Variants in HMCN2 observed in about 807,000 individuals in gnomAD.
The protein encoded by HMCN2 is hemicentin 2, also known as hemicentin-2.
HMCN2 carries 325 observed loss-of-function variants against 377.5 expected under a neutral mutation model. The ratio of observed to expected loss-of-function variants is 0.86; its 90% CI spans 0.79 to 0.94. HMCN2 has a LOEUF of 0.94. HMCN2 is among the 40% of genes least tolerant of loss of function. HMCN2 has a pLI of 0.00. For missense variants in HMCN2, 4,543 were observed against 4,725.3 expected (o/e 0.96, Z 1.13); for synonymous variants, 2,007 against 2,046.8 (o/e 0.98, Z 0.53).
At chr9:130,327,153 C>A (rs1268226323) in intron 21 of HMCN2, among the ~76,000 whole-genome samples, 157 bp from the exon 22 acceptor site, 1 of 152,038 alleles carries the variant, frequency 6.6e-6, no homozygotes. Context: ...ATCTGGACTC[C>A]CCCCCTTCTG....
chr9:130,269,125 G>A (rs939391756), intron 1 of HMCN2, among the ~76,000 whole-genome samples: 1 of 148,492 alleles, frequency 6.7e-6, no homozygotes, highest in South Asian at 2.2e-4. Flanking sequence ...GGGGCAAATC[G>A]TGGCGGTTCT....
In HMCN2 at chr9:130,398,691, C is replaced by T. The variant is rs990599466; in HGVS notation, c.11467C>T (p.Gln3823Ter). 4.4e-5 allele frequency: 57 copies of T among 1,289,520 alleles called. No individual in the cohort carries two copies. The highest frequency in any genetic ancestry group is 5.7e-5 in the Non-Finnish European group (56 of 988,640). The allele number at this position is 1,289,520 out of a possible 1,614,324, so 79.9% of individuals were successfully genotyped here. A position where few individuals can be genotyped will look rare whatever the true frequency, so the allele number is the denominator to read the frequency against. ...CGGACAGAAGCTGGACTTCCGCCTG[C>T]AGCAGGGCGCCTACCGGTAACGAGC... ...KDGQKLDFRL[Q>*]QGAYRLLPSN... is the part of the protein sequence containing the mutation. The change falls in exon 75 of 98, where the codon CAG (glutamine) becomes TAG (stop). Residue 3823 changes from glutamine (Q) to a stop codon, truncating the protein, a stop_gained. Transcript: ENST00000683500. LOFTEE classifies it high-confidence loss of function.
Position 130,352,962 on chromosome 9 carries a change from G to C in HMCN2, c.4621G>C (p.Glu1541Gln). The part of the protein sequence containing the change: ...PTIWGSNETG[E>Q]VAVMEDHLVQ... ...TATCTGGGGCTCCAACGAGACAGGCGAGGTGGCCGTCATGGAGGACCACCT... is the reference window on the plus strand; with the variant it reads ...TATCTGGGGCTCCAACGAGACAGGCCAGGTGGCCGTCATGGAGGACCACCT... The change falls in exon 31 of 98, where the codon GAG (glutamate) becomes CAG (glutamine). Residue 1541 changes from glutamate (E) to glutamine (Q), a missense_variant. Physicochemically the swap from Glu to Gln is conservative, Grantham distance 29. Coordinates refer to ENST00000683500, the MANE Select transcript of HMCN2 (RefSeq NM_001291815.2). The C allele has an allele frequency of 7.7e-7, 1 of 1,301,102 alleles. No homozygotes were observed. The highest frequency in any genetic ancestry group is 1.0e-6 in the Non-Finnish European group (1 of 987,104). The allele number at this position is 1,301,102 out of a possible 1,614,324, so 80.6% of individuals were successfully genotyped here.
chr9:130,308,326 C>T lies in HMCN2; in HGVS notation c.2200+760C>T, dbSNP rs573154581. Among the ~76,000 whole-genome samples, 22 of 152,250 alleles carry T rather than the reference C, an allele frequency of 1.4e-4. No individual in the cohort carries two copies. In the South Asian group the frequency reaches 4.6e-3, roughly 32 times the overall value. On this transcript the variant is annotated intron_variant, in intron 14 of 97. Coordinates refer to ENST00000683500, the MANE Select transcript of HMCN2 (RefSeq NM_001291815.2). The surrounding 1 kb of genome is among the most constrained non-coding windows in gnomAD (Gnocchi z 4.1). ...TTGGCATTCTTAGTGATAGTGCCGACGATAATGTGATTATCTGAAAATGAC... is the reference window on the plus strand; with the variant it reads ...TTGGCATTCTTAGTGATAGTGCCGATGATAATGTGATTATCTGAAAATGAC...
chr9:130,306,313 G>A (rs1413755758), intron 12 of HMCN2, 43 bp downstream of exon 12: 18 of 466,788 alleles, frequency 3.9e-5, no homozygotes, highest in African/African-American at 2.8e-4. Flanking sequence ...CACAGCAGGT[G>A]GACAGGACTC....
At chr9:130,290,869 A>C (rs1554929845) in intron 4 of HMCN2, among the ~76,000 whole-genome samples, 1 of 152,014 alleles carries the variant, frequency 6.6e-6, no homozygotes, top group Non-Finnish European at 1.5e-5. Context: ...TCTGAAAAAA[A>C]AAAAAAAAAA....
At chr9:130,383,761 C>T (rs1363104564) in intron 57 of HMCN2, among the ~76,000 whole-genome samples, 161 bp downstream of exon 57, 1 of 152,196 alleles carries the variant, frequency 6.6e-6, no homozygotes, top group African/African-American at 2.4e-5. Context: ...TTTGGGGGGC[C>T]CTGATCACTA....
Position 130,373,123 on chromosome 9 carries a change from A to G in HMCN2, c.7437A>G (p.Thr2479=). The G allele has an allele frequency of 4.1e-6, 4 of 978,792 alleles. No individual in the cohort carries two copies. The highest frequency in any genetic ancestry group is 4.9e-6 in the Non-Finnish European group (4 of 823,668). 60.6% of individuals were successfully genotyped at this position (978,792 alleles called of 1,614,324 possible). A position where few individuals can be genotyped will look rare whatever the true frequency, so the allele number is the denominator to read the frequency against. Residue 2479 remains threonine (T), a splice_region_variant and synonymous_variant, in exon 48 of 98, where the codon ACA becomes ACG. Transcript: ENST00000683500. ...GQTAHLMCNV[T]GHPQPKLTWF... Reference sequence around the variant, plus strand: ...CTGCCCATCTTATGTGCAACGTCACAGGTAAGGGCCACATGATGTGATGGG... The same window carrying G: ...CTGCCCATCTTATGTGCAACGTCACGGGTAAGGGCCACATGATGTGATGGG...
At chr9:130,371,423 A>C (rs921681859) in intron 46 of HMCN2, among the ~76,000 whole-genome samples, 2 of 151,662 alleles carry the variant, frequency 1.3e-5, no homozygotes, top group South Asian at 2.1e-4. Flanking sequence ...AGAAAAAAAA[A>C]AAACAAACTT....
intron 1 of HMCN2, among the ~76,000 whole-genome samples, chr9:130,280,503 T>C (rs1835057119): frequency 6.6e-6 from 1 of 151,940 alleles, no homozygotes; most frequent in Admixed American, 6.6e-5. Flanking sequence ...AAGTTTCTAG[T>C]AATTTGTCAC....
chr9:130,359,151 G>T (rs1009903506), intron 36 of HMCN2, among the ~76,000 whole-genome samples, 168 bp from the exon 37 acceptor site: 6 of 152,154 alleles, frequency 3.9e-5, no homozygotes, highest in South Asian at 2.1e-4. Flanking sequence ...TTGTTCTTGG[G>T]CTTGCTTCCA....
chr9:130,424,201 C>T lies in HMCN2; in HGVS notation c.13382-575C>T, dbSNP rs1323546554. ...TTTTTTTTAATTTTTTTTTTTGAGACGGAGTCTCGCTCTGTCACCCAGGCT... is the reference window on the plus strand; with the variant it reads ...TTTTTTTTAATTTTTTTTTTTGAGATGGAGTCTCGCTCTGTCACCCAGGCT... On this transcript the variant is annotated intron_variant, in intron 87 of 97. Transcript: ENST00000683500. Among the ~76,000 whole-genome samples the T allele has an allele frequency of 6.2e-5, 9 of 145,348 alleles. No individual in the cohort carries two copies. The South Asian group carries it at 6.5e-4, about 10-fold the overall frequency.
Position 130,361,999 on chromosome 9 carries a change from GC to G in HMCN2, c.5951-6del. On this transcript the variant is annotated splice_region_variant and splice_polypyrimidine_tract_variant and intron_variant, in intron 38 of 97. Transcript: ENST00000683500. This position sits in a 1 kb window ranked among gnomAD's most constrained non-coding sequence, Gnocchi z 4.8. ...TCAGCCTGTACCCCATGTCACCCCT[GC>G]CCTGCAGTGCCCCCTCGAATCACAC... 1.0e-6 allele frequency: 1 copy of G among 985,990 alleles called. No individual in the cohort carries two copies. The highest frequency in any genetic ancestry group is 1.2e-6 in the Non-Finnish European group (1 of 830,040). 61.1% of individuals were successfully genotyped at this position (985,990 alleles called of 1,614,324 possible). A position where few individuals can be genotyped will look rare whatever the true frequency, so the allele number is the denominator to read the frequency against.
chr9:130,388,943 A>C (rs1478506886), intron 62 of HMCN2, among the ~76,000 whole-genome samples: 1 of 151,936 alleles, frequency 6.6e-6, no homozygotes, highest in Non-Finnish European at 1.5e-5. Flanking sequence ...CCGTTGGTCA[A>C]CCCCATCCCC....
rs763200736 is a variant in HMCN2, at chr9:130,395,073, G to T, written c.10739G>T (p.Gly3580Val). ...LYTCLAESPA[G>V]AIEKSFRVRV... ...ACTTGTCTGGCTGAAAGCCCTGCAGGTGCAATTGAGAAGAGCTTCCGGGTC... is the reference window on the plus strand; with the variant it reads ...ACTTGTCTGGCTGAAAGCCCTGCAGTTGCAATTGAGAAGAGCTTCCGGGTC... Residue 3580 changes from glycine (G) to valine (V), a missense_variant, in exon 70 of 98, where the codon GGT becomes GTT. By Grantham distance (109) the Gly-to-Val change is moderately radical (BLOSUM62 -3). This residue lies in a region of HMCN2 where 1,073 missense variants were observed against 1,319.5 expected (regional missense o/e 0.81). Coordinates refer to ENST00000683500, the MANE Select transcript of HMCN2 (RefSeq NM_001291815.2). 7 of 1,284,672 alleles carry T rather than the reference G, an allele frequency of 5.4e-6. No homozygotes were observed. In the South Asian group the frequency reaches 7.4e-5, roughly 14 times the overall value. 79.6% of individuals were successfully genotyped at this position (1,284,672 alleles called of 1,614,324 possible). A position where few individuals can be genotyped will look rare whatever the true frequency, so the allele number is the denominator to read the frequency against.
rs1488643947 is a variant in HMCN2, at chr9:130,407,527, A to G, written c.12554-44A>G. On this transcript the variant is annotated intron_variant, in intron 82 of 97. Transcript: ENST00000683500. ...GTACCCAGGCACCAGGGAAGTGTTT[A>G]GGGCAGGAGTTCCCTGCACCCGACT... The G allele has an allele frequency of 3.9e-6, 5 of 1,282,876 alleles. No individual in the cohort carries two copies. In the South Asian group the frequency reaches 6.2e-5, roughly 16 times the overall value. 79.5% of individuals were successfully genotyped at this position (1,282,876 alleles called of 1,614,324 possible). A position where few individuals can be genotyped will look rare whatever the true frequency, so the allele number is the denominator to read the frequency against.
At chr9:130,383,449 G>A (rs1841840778) in intron 56 of HMCN2, 55 bp from the exon 57 acceptor site, 2 of 801,640 alleles carry the variant, frequency 2.5e-6, no homozygotes, top group African/African-American at 3.7e-5. Flanking sequence ...TCCTGGGGGT[G>A]GTGGTGTCCA....
chr9:130,398,984 A>G (rs921361929), intron 75 of HMCN2, among the ~76,000 whole-genome samples: 14 of 152,250 alleles, frequency 9.2e-5, no homozygotes, highest in African/African-American at 3.1e-4. Flanking sequence ...TGGGTGTGGT[A>G]GCTCACACCT....
chr9:130,396,012 C>G lies in HMCN2; in HGVS notation c.11000C>G (p.Thr3667Arg). 1 of 1,287,474 alleles carries G rather than the reference C, an allele frequency of 7.8e-7. No homozygotes were observed. Among genetic ancestry groups the G allele is most frequent in the Non-Finnish European group, 1.0e-6 (1 of 988,718 alleles). The allele number at this position is 1,287,474 out of a possible 1,614,324, so 79.8% of individuals were successfully genotyped here. Residue 3667 changes from threonine to arginine, a missense_variant, in exon 72 of 98, where the codon ACA becomes AGA. Thr to Arg is a moderately conservative substitution (Grantham distance 71, BLOSUM62 -1). Coordinates refer to ENST00000683500, the MANE Select transcript of HMCN2 (RefSeq NM_001291815.2). ...GCTGACAGCGGCGACTACAGCTGCA[C>G]AGCCCGCAACGCCGCAGGCAGCACT... is the stretch of plus-strand genomic sequence containing the variant. ...STADSGDYSC[T>R]ARNAAGSTSV...
Sources: gnomAD v4.1 joint callset for allele counts (sites outside exome capture counted in the v4.1 genomes callset) on GRCh38, gnomAD v4.1.1 for gene constraint, gnomAD v4.1.1 regional missense constraint, Gnocchi (gnomAD v3.1) non-coding constraint, MANE v1.5 for transcripts, NCBI Gene and HGNC (gene_info 2026-07-23, HGNC 2026-07-21) for gene names.